KCNH7: variants seen among roughly 807,000 people sequenced by gnomAD.
KCNH7 encodes the protein potassium voltage-gated channel subfamily H member 7.
Under a neutral mutation model 120.8 loss-of-function variants are expected in KCNH7, and 49 were observed. The ratio of observed to expected loss-of-function variants is 0.41; its 90% CI spans 0.32 to 0.51. The LOEUF (loss-of-function observed/expected upper bound fraction) is 0.51. KCNH7 is among the 20% of genes least tolerant of loss of function. KCNH7 has a pLI of 0.38. For missense variants in KCNH7, 1,097 were observed against 1,446.6 expected (o/e 0.76, Z 3.92); for synonymous variants, 547 against 516.1 (o/e 1.06, Z -0.81).
intron 2 of KCNH7, among the ~76,000 whole-genome samples, chr2:162,561,841 G>A (rs185283491): frequency 2.7e-3 from 407 of 152,282 alleles, no homozygotes; most frequent in African/African-American, 9.4e-3. Flanking sequence ...ACCGAATAAA[G>A]AAAATGTGGC....
chr2:162,393,497 T>A (rs1686804744), intron 12 of KCNH7, among the ~76,000 whole-genome samples: 1 of 151,950 alleles, frequency 6.6e-6, no homozygotes, highest in Admixed American at 6.6e-5. Flanking sequence ...TGGTATAGAA[T>A]ATAATAATCT....
At chr2:162,378,585 T>C (rs77535222) in intron 14 of KCNH7, among the ~76,000 whole-genome samples, 3,327 of 152,290 alleles carry the variant, frequency 0.022, 131 homozygotes, top group African/African-American at 0.077. Flanking sequence ...TTAAATAGCA[T>C]GCTAGTAACC....
At chr2:162,471,141 C>T (rs1433848058) in intron 6 of KCNH7, among the ~76,000 whole-genome samples, 1 of 152,018 alleles carries the variant, frequency 6.6e-6, no homozygotes, top group African/African-American at 2.4e-5. Flanking sequence ...CTAGGAAAAC[C>T]AGAGACCTTT....
intron 2 of KCNH7, among the ~76,000 whole-genome samples, chr2:162,809,145 C>T (rs1352060603): frequency 1.3e-5 from 2 of 152,164 alleles, no homozygotes; most frequent in African/African-American, 2.4e-5. Context: ...GACAACATAA[C>T]ATTAAATATA....
intron 6 of KCNH7, among the ~76,000 whole-genome samples, chr2:162,469,400 G>T (rs1373482711): frequency 6.6e-6 from 1 of 152,160 alleles, no homozygotes; most frequent in East Asian, 1.9e-4. Flanking sequence ...GACCTGAGTA[G>T]TTTGTATGCA....
chr2:162,700,015 T>C (rs866042579), intron 2 of KCNH7, among the ~76,000 whole-genome samples: 1 of 152,248 alleles, frequency 6.6e-6, no homozygotes, highest in Admixed American at 6.5e-5. Flanking sequence ...CTTCTGACTA[T>C]GACCAGAATT....
intron 10 of KCNH7, 80 bp downstream of exon 10, chr2:162,400,109 T>C: frequency 1.4e-6 from 2 of 1,455,110 alleles, no homozygotes; most frequent in Non-Finnish European, 9.4e-7. Flanking sequence ...CATACATCAG[T>C]CTTTTTTTCC....
intron 2 of KCNH7, among the ~76,000 whole-genome samples, chr2:162,654,480 A>T (rs1052454953): frequency 2.6e-5 from 4 of 152,128 alleles, no homozygotes; most frequent in Admixed American, 6.6e-5. Context: ...GGTTTTTATA[A>T]AAAAGATGAA....
At chr2:162,409,370 A>G (rs1687320914) in intron 9 of KCNH7, among the ~76,000 whole-genome samples, 1 of 151,924 alleles carries the variant, frequency 6.6e-6, no homozygotes, top group South Asian at 2.1e-4. Flanking sequence ...TATATTGACT[A>G]AAGAAGAAGT....
At chr2:162,737,580 C>T (rs1372421900) in intron 2 of KCNH7, among the ~76,000 whole-genome samples, 1 of 152,132 alleles carries the variant, frequency 6.6e-6, no homozygotes, top group East Asian at 1.9e-4. Context: ...TAAAATAAGG[C>T]CTTCCAAATC....
intron 8 of KCNH7, among the ~76,000 whole-genome samples, chr2:162,434,181 C>T (rs542743231): frequency 3.3e-5 from 5 of 152,036 alleles, no homozygotes; most frequent in East Asian, 3.9e-4. Context: ...CTAAGCATTA[C>T]GTACGCATGG....
intron 2 of KCNH7, among the ~76,000 whole-genome samples, chr2:162,749,469 AAAC>A (rs1419178980): frequency 4.6e-5 from 7 of 152,192 alleles, no homozygotes; most frequent in African/African-American, 1.7e-4. Flanking sequence ...ATTTAGGCTG[AAAC>A]AACAACATAA....
At chr2:162,415,323 T>C (rs1476149542) in intron 9 of KCNH7, among the ~76,000 whole-genome samples, 1 of 152,128 alleles carries the variant, frequency 6.6e-6, no homozygotes, top group Non-Finnish European at 1.5e-5. Flanking sequence ...TTGACATATC[T>C]ATGAAATGCA....
intron 12 of KCNH7, 121 bp from the exon 13 acceptor site, chr2:162,385,060 T>C (rs987656169): frequency 7.6e-6 from 5 of 660,440 alleles, no homozygotes; most frequent in Non-Finnish European, 9.7e-6. Context: ...AAAATGTAGC[T>C]ACTTGGGTAC....
chr2:162,697,945 C>A (rs1436669524), intron 2 of KCNH7, among the ~76,000 whole-genome samples: 1 of 151,976 alleles, frequency 6.6e-6, no homozygotes. Flanking sequence ...TTTAATTTCC[C>A]AAATTGGACT....
At chr2:162,754,735 C>T (rs1456788126) in intron 2 of KCNH7, among the ~76,000 whole-genome samples, 1 of 152,050 alleles carries the variant, frequency 6.6e-6, no homozygotes, top group Non-Finnish European at 1.5e-5. Flanking sequence ...AAAAGTAAAA[C>T]CAGCAGGAAG....
intron 9 of KCNH7, among the ~76,000 whole-genome samples, chr2:162,404,631 C>T (rs1325012871): frequency 6.6e-6 from 1 of 151,950 alleles, no homozygotes; most frequent in Non-Finnish European, 1.5e-5. Flanking sequence ...TATCTGCTCC[C>T]TTTTCACCTT....
intron 2 of KCNH7, among the ~76,000 whole-genome samples, chr2:162,730,203 A>G (rs1002289008): frequency 4.6e-5 from 7 of 151,798 alleles, no homozygotes; most frequent in African/African-American, 1.7e-4. Flanking sequence ...TCCAAAATAT[A>G]TCTAGTAAGA....
chr2:162,613,345 T>C (rs994097222), intron 2 of KCNH7, among the ~76,000 whole-genome samples: 81 of 152,060 alleles, frequency 5.3e-4, no homozygotes, highest in African/African-American at 1.9e-3. Context: ...GAAAAGAAAA[T>C]ATTGTCACAT....
Sources: allele counts gnomAD v4.1 joint callset (sites outside exome capture counted in the v4.1 genomes callset), GRCh38; gene constraint gnomAD v4.1.1; transcripts MANE v1.5; gene names NCBI Gene and HGNC (gene_info 2026-07-23, HGNC 2026-07-21).